MYPN: variants seen among roughly 807,000 people sequenced by gnomAD.
MYPN encodes the protein myopalladin.
In MYPN, 63 loss-of-function variants were observed where a neutral mutation model predicts 129.4. The ratio of observed to expected loss-of-function variants is 0.49; its 90% CI spans 0.40 to 0.60. The LOEUF (loss-of-function observed/expected upper bound fraction) is 0.60, where lower values mean the gene tolerates loss of function less well. Among genes scored for constraint, MYPN ranks in the 20% least tolerant of loss-of-function variants. The pLI, the probability that MYPN is intolerant of heterozygous loss-of-function variation, is 0.00. For synonymous variants in MYPN, 629 were observed against 600.9 expected, an observed-to-expected ratio of 1.05 and a Z score of -0.68; for missense variants, 1,596 against 1,635.4, an observed-to-expected ratio of 0.98 and a Z score of 0.42.
intron 12 of MYPN, among the ~76,000 whole-genome samples, chr10:68,178,670 G>T (rs752261846): frequency 7.0e-6 from 1 of 142,540 alleles, no homozygotes; most frequent in Non-Finnish European, 1.5e-5. Context: ...CCGAGATCAT[G>T]CCATTGAGCT....
chr10:68,121,548 C>G lies in MYPN; in HGVS notation c.110C>G (p.Pro37Arg). ...RGNNERSRAE[P>R]SSNPCHFGSP... ...AACAATGAGAGGAGTCGAGCGGAGC[C>G]CTCCTCCAACCCTTGCCATTTCGGC... Residue 37 changes from proline (P) to arginine (R), a missense_variant, in exon 2 of 20, where the codon CCC becomes CGC. Physicochemically the swap from Pro to Arg is moderately radical, Grantham distance 103 (BLOSUM62 -2). Transcript: ENST00000358913. 6.2e-7 allele frequency: 1 copy of G among 1,614,134 alleles called. No individual in the cohort carries two copies. The highest frequency in any genetic ancestry group is 8.5e-7 in the Non-Finnish European group (1 of 1,180,018).
At position 68,126,840 on chromosome 10, in the gene MYPN, C is replaced by T. The variant is rs16913327; in HGVS notation, c.902+4500C>T. On this transcript the variant is annotated intron_variant, in intron 2 of 19. Coordinates refer to ENST00000358913, the MANE Select transcript of MYPN (RefSeq NM_032578.4). ...CAGCCAGAAATGCAGGACTGAAAGTCAGATGAGAGAGTAGTGGAACTAGAA... is the reference window on the plus strand; with the variant it reads ...CAGCCAGAAATGCAGGACTGAAAGTTAGATGAGAGAGTAGTGGAACTAGAA... Among the ~76,000 whole-genome samples the T allele has an allele frequency of 7.3e-3, 1,110 of 152,258 alleles. 48 individuals are homozygous for T. Among genetic ancestry groups the T allele is most frequent in the Admixed American group, 0.057 (864 of 15,274 alleles).
chr10:68,165,888 C>A, intron 9 of MYPN, 70 bp downstream of exon 9: 1 of 1,236,480 alleles, frequency 8.1e-7, no homozygotes, highest in South Asian at 1.2e-5. Context: ...TTTTGTGTTT[C>A]CATTCCTTCC....
intron 1 of MYPN, among the ~76,000 whole-genome samples, chr10:68,114,867 G>C (rs1194074935): frequency 1.3e-5 from 2 of 152,062 alleles, no homozygotes; most frequent in Non-Finnish European, 2.9e-5. Context: ...TCAATGCCAT[G>C]ATCTGTTTTC....
chr10:68,192,605 T>C (rs908173248), intron 13 of MYPN, among the ~76,000 whole-genome samples: 1 of 152,216 alleles, frequency 6.6e-6, no homozygotes, highest in Non-Finnish European at 1.5e-5. Context: ...CTTCTTTAAA[T>C]GTTTGGTAGA....
At chr10:68,181,994 G>T (rs1174013332) in intron 12 of MYPN, among the ~76,000 whole-genome samples, 1 of 151,940 alleles carries the variant, frequency 6.6e-6, no homozygotes, top group East Asian at 1.9e-4. Flanking sequence ...AAGTCCTCTT[G>T]CTGGGTCTTC....
intron 6 of MYPN, among the ~76,000 whole-genome samples, chr10:68,153,003 T>G (rs1255782295): frequency 6.8e-6 from 1 of 146,754 alleles, no homozygotes; most frequent in Non-Finnish European, 1.5e-5. Flanking sequence ...TTTATTTTAT[T>G]TAGACAGAGT....
intron 10 of MYPN, 84 bp from the exon 11 acceptor site, chr10:68,173,982 A>G: frequency 8.6e-7 from 1 of 1,164,862 alleles, no homozygotes; most frequent in Non-Finnish European, 1.3e-6. Context: ...TCAAGTTATA[A>G]ACAGTCTGTC....
chr10:68,201,219 C>T (rs957363612), intron 17 of MYPN, among the ~76,000 whole-genome samples: 10 of 152,234 alleles, frequency 6.6e-5, no homozygotes, highest in Non-Finnish European at 1.3e-4. Flanking sequence ...TCCACCATTC[C>T]TGGCATTTGC....
At chr10:68,116,210 T>C (rs1219334604) in intron 1 of MYPN, among the ~76,000 whole-genome samples, 1 of 151,410 alleles carries the variant, frequency 6.6e-6, no homozygotes, top group Non-Finnish European at 1.5e-5. Flanking sequence ...GCACTTATGA[T>C]TTTTTTTAAG....
At chr10:68,103,362 G>A (rs1043840983), upstream of MYPN, among the ~76,000 whole-genome samples, 22 of 152,158 alleles carry the variant, frequency 1.4e-4, no homozygotes, top group African/African-American at 5.3e-4. Flanking sequence ...CCAGAAGTGT[G>A]TATTAGCCGT....
intron 1 of MYPN, among the ~76,000 whole-genome samples, chr10:68,115,237 C>T (rs531784085): frequency 6.4e-4 from 84 of 131,842 alleles, no homozygotes; most frequent in African/African-American, 2.3e-3. Flanking sequence ...CCAGCCTGGG[C>T]GACAAAGTGA....
rs764756548 is a variant in MYPN, at chr10:68,201,822, T to G, written c.3494-7T>G. ...AAGAAAAAAAGAATGACCCTTCTCT[T>G]GCTCAGCCAAAGAGGTGAAGAAAGC... On this transcript the variant is annotated splice_polypyrimidine_tract_variant and splice_region_variant and intron_variant, in intron 17 of 19. Transcript: ENST00000358913. 1.9e-6 allele frequency: 3 copies of G among 1,613,416 alleles called. No homozygotes were observed. In the Admixed American group the frequency reaches 5.0e-5, roughly 27 times the overall value.
upstream of MYPN, among the ~76,000 whole-genome samples, chr10:68,101,843 G>C (rs569819010): frequency 8.4e-4 from 127 of 151,832 alleles, 1 homozygote; most frequent in South Asian, 1.0e-2. Flanking sequence ...TCTTCTGCTG[G>C]TTTAGAAATT....
chr10:68,205,634 C>A (rs1222999723), intron 18 of MYPN, among the ~76,000 whole-genome samples: 2 of 151,886 alleles, frequency 1.3e-5, no homozygotes, highest in Non-Finnish European at 2.9e-5. Flanking sequence ...GTGCAGTGAG[C>A]CGAGATCACA....
intron 3 of MYPN, among the ~76,000 whole-genome samples, chr10:68,144,430 G>A (rs539444374): frequency 6.6e-6 from 1 of 152,192 alleles, no homozygotes; most frequent in Non-Finnish European, 1.5e-5. Flanking sequence ...TACTTACATA[G>A]TACCAAGTAC....
In MYPN at chr10:68,211,616, A is replaced by G. The variant is rs1333577621; in HGVS notation, c.*1161A>G. 1 of 454,168 alleles carries G rather than the reference A, an allele frequency of 2.2e-6. No homozygotes were observed. The highest frequency in any genetic ancestry group is 4.4e-6 in the Non-Finnish European group (1 of 226,802). 28.1% of individuals were successfully genotyped at this position (454,168 alleles called of 1,614,324 possible). On this transcript the variant is annotated 3_prime_UTR_variant, in exon 20 of 20. Transcript: ENST00000358913. ...AAACCCTGCCTCTTAAGGAATTTTT[A>G]GACTTAAGTTCACTGTGATATCCCT...
upstream of MYPN, among the ~76,000 whole-genome samples, chr10:68,108,598 C>T (rs1002217457): frequency 6.6e-6 from 1 of 152,054 alleles, no homozygotes; most frequent in African/African-American, 2.4e-5. Context: ...GAATAATAAC[C>T]ATCATTTAAG....
At chr10:68,134,927 A>G (rs1322628396) in intron 2 of MYPN, among the ~76,000 whole-genome samples, 1 of 151,888 alleles carries the variant, frequency 6.6e-6, no homozygotes, top group African/African-American at 2.4e-5. Flanking sequence ...GCCTGGAAGA[A>G]CTCAATAAAT....
Sources: gnomAD v4.1 joint callset for allele counts (sites outside exome capture counted in the v4.1 genomes callset) on GRCh38, gnomAD v4.1.1 for gene constraint, MANE v1.5 for transcripts, NCBI Gene and HGNC (gene_info 2026-07-23, HGNC 2026-07-21) for gene names.